Variants in ACSS3 observed in about 807,000 individuals in gnomAD.
ACSS3 encodes acyl-CoA synthetase short chain family member 3, also known as acyl-CoA synthetase short-chain family member 3, mitochondrial.
ACSS3 carries 64 observed loss-of-function variants against 84.2 expected under a neutral mutation model. The ratio of observed to expected loss-of-function variants is 0.76; its 90% CI spans 0.62 to 0.94. The LOEUF (loss-of-function observed/expected upper bound fraction) is 0.94. Ranked by LOEUF, ACSS3 falls within the 40% of genes least tolerant of loss-of-function variation. The probability of loss-of-function intolerance (pLI) is 0.00; values close to 1 mark genes in which losing one functional copy is unlikely to be tolerated. For missense variants in ACSS3, 815 were observed against 867.6 expected (o/e 0.94, Z 0.76); for synonymous variants, 317 against 310.1 (o/e 1.02, Z -0.23).
intron 9 of ACSS3, among the ~76,000 whole-genome samples, chr12:81,208,032 A>G (rs975941865): frequency 9.2e-5 from 14 of 152,092 alleles, no homozygotes; most frequent in Non-Finnish European, 1.5e-4. Flanking sequence ...GAACACAAAG[A>G]TTACATTGAT....
At chr12:81,078,760 T>TTA (rs1481821486) in intron 1 of ACSS3, among the ~76,000 whole-genome samples, 3 of 152,190 alleles carry the variant, frequency 2.0e-5, no homozygotes, top group Admixed American at 1.3e-4. Flanking sequence ...GTAAGGGAGA[T>TTA]ACTAGGTAAA....
chr12:81,095,043 TA>T (rs1881942709), intron 1 of ACSS3, among the ~76,000 whole-genome samples: 2 of 152,192 alleles, frequency 1.3e-5, no homozygotes, highest in Admixed American at 1.3e-4. Flanking sequence ...CAACAAATAC[TA>T]GCTGTCATTA....
At chr12:81,137,965 G>A (rs939354402) in intron 3 of ACSS3, among the ~76,000 whole-genome samples, 1 of 151,894 alleles carries the variant, frequency 6.6e-6, no homozygotes, top group South Asian at 2.1e-4. Context: ...TTCTGCCTTC[G>A]CCACTTGTAA....
intron 11 of ACSS3, among the ~76,000 whole-genome samples, chr12:81,230,076 C>T (rs1215979467): frequency 2.6e-5 from 4 of 151,814 alleles, no homozygotes; most frequent in South Asian, 2.1e-4. Context: ...GGACACTAGC[C>T]ATCTGTGCTT....
chr12:81,219,925 C>CT, intron 10 of ACSS3, 88 bp from the exon 11 acceptor site: 2 of 841,384 alleles, frequency 2.4e-6, no homozygotes, highest in Non-Finnish European at 1.7e-6. Context: ...TAAGCTAGAG[C>CT]TTTTTGGGTT....
At chr12:81,217,134 G>A (rs181839339) in intron 10 of ACSS3, 138 bp downstream of exon 10, 1 of 583,456 alleles carries the variant, frequency 1.7e-6, no homozygotes, top group African/African-American at 1.9e-5. Flanking sequence ...AAAAATGAAT[G>A]CCTTAATTTT....
rs2035064615 is a variant in ACSS3 at position 81,260,507 on chromosome 12, T to C, written c.*5585T>C. ...AATATAAACAGTATTTTGGGAGACC[T>C]CTTATTTAGCCAAATTATTATATAC... On this transcript the variant is annotated 3_prime_UTR_variant, in exon 16 of 16. Transcript: ENST00000548058. The C allele has an allele frequency of 6.6e-6, 1 of 152,208 alleles. No individual in the cohort carries two copies. Among genetic ancestry groups the C allele is most frequent in the Non-Finnish European group, 1.5e-5 (1 of 68,034 alleles). The allele number at this position is 152,208 out of a possible 1,614,324, so 9.4% of individuals were successfully genotyped here.
At chr12:81,152,448 A>C (rs1478253931) in intron 7 of ACSS3, among the ~76,000 whole-genome samples, 3 of 152,208 alleles carry the variant, frequency 2.0e-5, no homozygotes, top group Non-Finnish European at 4.4e-5. Context: ...TTATTTTCAT[A>C]GGATTAATGG....
chr12:81,117,424 A>T (rs1307231412), intron 2 of ACSS3, among the ~76,000 whole-genome samples: 1 of 152,164 alleles, frequency 6.6e-6, no homozygotes, highest in Middle Eastern at 3.2e-3. Flanking sequence ...TGTCAGGGAA[A>T]GTACTTGTCA....
At chr12:81,179,578 C>T (rs1437976718) in intron 8 of ACSS3, among the ~76,000 whole-genome samples, 3 of 151,628 alleles carry the variant, frequency 2.0e-5, no homozygotes, top group African/African-American at 7.3e-5. Context: ...GTCAGGAGAT[C>T]GAGACCCCAG....
intron 9 of ACSS3, among the ~76,000 whole-genome samples, chr12:81,207,913 A>T (rs1023418330): frequency 6.6e-6 from 1 of 152,262 alleles, no homozygotes; most frequent in African/African-American, 2.4e-5. Flanking sequence ...AGGGAGTAGG[A>T]TAAGACCAGT....
At chr12:81,250,124 A>T (rs1005648640) in intron 13 of ACSS3, among the ~76,000 whole-genome samples, 1 of 152,042 alleles carries the variant, frequency 6.6e-6, no homozygotes, top group Non-Finnish European at 1.5e-5. Context: ...GAGGGAATGC[A>T]TTAATGTGGT....
chr12:81,129,670 C>T (rs1885357337), intron 2 of ACSS3, among the ~76,000 whole-genome samples: 1 of 152,148 alleles, frequency 6.6e-6, no homozygotes, highest in African/African-American at 2.4e-5. Flanking sequence ...TACATGTGCA[C>T]AACGTGCAGG....
At position 81,139,202 on chromosome 12, in the gene ACSS3, A is replaced by G. The variant is rs1885959036; in HGVS notation, c.717A>G (p.Glu239=). 6.2e-7 allele frequency: 1 copy of G among 1,613,912 alleles called. No individual in the cohort carries two copies. The highest frequency in any genetic ancestry group is 8.5e-7 in the Non-Finnish European group (1 of 1,179,936). The change falls in exon 4 of 16, where the codon GAA becomes GAG. Residue 239 remains glutamate, a synonymous_variant. Transcript: ENST00000548058. ...GGGTAGAGTACGTACCACTTGTAGA[A>G]GAAGCGCTAAAAATAGGACAACACA... The part of the protein sequence containing the change: ...GRRVEYVPLV[E]EALKIGQHKP...
intron 13 of ACSS3, among the ~76,000 whole-genome samples, chr12:81,241,064 C>T (rs1241811595): frequency 3.4e-5 from 5 of 148,588 alleles, no homozygotes; most frequent in Admixed American, 6.8e-5. Context: ...CAATTCCCAC[C>T]TATGAGTGAG....
chr12:81,134,073 GA>G (rs71442000), intron 2 of ACSS3, among the ~76,000 whole-genome samples: 9,933 of 134,576 alleles, frequency 0.074, 443 homozygotes, highest in Middle Eastern at 0.13. Context: ...CTCAAAAACA[GA>G]AAAAAAAAAA....
intron 8 of ACSS3, among the ~76,000 whole-genome samples, chr12:81,181,768 A>AAAAAAAAAAAAG (rs1555178623): frequency 4.9e-5 from 7 of 143,604 alleles, no homozygotes; most frequent in Non-Finnish European, 9.2e-5. Flanking sequence ...AAAAAAAAAA[A>AAAAAAAAAAAAG]GCAATAGAGA....
intron 8 of ACSS3, among the ~76,000 whole-genome samples, chr12:81,196,100 T>A (rs1273257625): frequency 1.3e-5 from 2 of 152,232 alleles, no homozygotes. Context: ...CCCACACATG[T>A]ACATGCATAC....
intron 2 of ACSS3, among the ~76,000 whole-genome samples, chr12:81,119,785 T>A (rs1235611432): frequency 1.3e-5 from 2 of 152,154 alleles, no homozygotes; most frequent in East Asian, 3.9e-4. Flanking sequence ...TTCATATTGT[T>A]CAAGCACACA....
Sources: allele counts gnomAD v4.1 joint callset (sites outside exome capture counted in the v4.1 genomes callset), GRCh38; gene constraint gnomAD v4.1.1; transcripts MANE v1.5; gene names NCBI Gene and HGNC (gene_info 2026-07-23, HGNC 2026-07-21).